Variants in SP3 observed in about 807,000 individuals in gnomAD.
The protein encoded by SP3 is Sp3 transcription factor.
SP3 carries 10 observed loss-of-function variants against 70.3 expected under a neutral mutation model. The ratio of observed to expected loss-of-function variants is 0.14; its 90% CI spans 0.09 to 0.24. The LOEUF (loss-of-function observed/expected upper bound fraction) is 0.24. Ranked by LOEUF, SP3 falls within the 10% of genes least tolerant of loss-of-function variation. The pLI is 1.00. For synonymous variants in SP3, 402 were observed against 333.5 expected (o/e 1.21, Z -2.24); for missense variants, 825 against 914.6 (o/e 0.90, Z 1.26).
At chr2:173,935,058 A>T (rs11891077) in intron 4 of SP3, among the ~76,000 whole-genome samples, 5,626 of 152,198 alleles carry the variant, frequency 0.037, 369 homozygotes, top group African/African-American at 0.13. Context: ...ACCAGCAATT[A>T]ATTCTTTCTT....
chr2:173,919,187 A>G (rs1689682244), intron 4 of SP3, among the ~76,000 whole-genome samples: 1 of 152,210 alleles, frequency 6.6e-6, no homozygotes, highest in Non-Finnish European at 1.5e-5. Context: ...TAATACATAA[A>G]GAGATGTTAC....
At chr2:173,929,862 A>G (rs1690023442) in intron 4 of SP3, among the ~76,000 whole-genome samples, 1 of 152,212 alleles carries the variant, frequency 6.6e-6, no homozygotes, top group Non-Finnish European at 1.5e-5. Flanking sequence ...GTTATACTTT[A>G]TTCAGACTTT....
At chr2:173,952,965 A>G (rs1203541428) in intron 4 of SP3, among the ~76,000 whole-genome samples, 1 of 152,246 alleles carries the variant, frequency 6.6e-6, no homozygotes, top group Non-Finnish European at 1.5e-5. Context: ...CTGAAATTAG[A>G]TAGTGATGAT....
intron 6 of SP3, among the ~76,000 whole-genome samples, chr2:173,912,831 T>G (rs1353402274): frequency 6.6e-6 from 1 of 152,188 alleles, no homozygotes; most frequent in Admixed American, 6.5e-5. Flanking sequence ...CATTCAATAA[T>G]GTCAACAAAA....
intron 4 of SP3, among the ~76,000 whole-genome samples, chr2:173,931,080 G>A (rs2105472162): frequency 6.6e-6 from 1 of 152,168 alleles, no homozygotes; most frequent in East Asian, 1.9e-4. Flanking sequence ...TATTAAGTGT[G>A]CAACAGCATT....
intron 4 of SP3, among the ~76,000 whole-genome samples, chr2:173,941,172 C>T (rs1325589952): frequency 6.6e-6 from 1 of 151,290 alleles, no homozygotes; most frequent in African/African-American, 2.4e-5. Flanking sequence ...CTCACTAAAT[C>T]CTCTTCACCT....
In SP3 at chr2:173,940,022, C is replaced by A. The variant is rs189167967; in HGVS notation, c.1639+14851G>T. On this transcript the variant is annotated intron_variant, in intron 4 of 6. Coordinates refer to ENST00000310015, the MANE Select transcript of SP3 (RefSeq NM_003111.5). Reference sequence around the variant, plus strand: ...CTGAGCAGACAGGACTATGGGCACACATTACTGTGACCAGCTAATTTTTTT... The same window carrying A: ...CTGAGCAGACAGGACTATGGGCACAAATTACTGTGACCAGCTAATTTTTTT... Among the ~76,000 whole-genome samples, 10 of 152,136 alleles carry A rather than the reference C, an allele frequency of 6.6e-5. No individual in the cohort carries two copies. In the East Asian group the frequency reaches 1.9e-3, roughly 29 times the overall value.
At position 173,904,345 on chromosome 2, in the gene SP3, G is replaced by A. The variant is rs1265193362; in HGVS notation, c.*5596C>T. On this transcript the variant is annotated 3_prime_UTR_variant, in exon 7 of 7. Coordinates refer to ENST00000310015, the MANE Select transcript of SP3 (RefSeq NM_003111.5). ...ATCAACTCTATGGTGTTTTACGAGA[G>A]AATATACTGTACCTCAGTTGTCTTA... 6.6e-6 allele frequency among the ~76,000 whole-genome samples: 1 copy of A among 152,128 alleles called. No individual in the cohort carries two copies. The highest frequency in any genetic ancestry group is 1.5e-5 in the Non-Finnish European group (1 of 68,020).
rs1691258114 is a variant in SP3 at position 173,965,273 on chromosome 2, A to G, written c.-102T>C. 13 of 1,363,366 alleles carry G rather than the reference A, an allele frequency of 9.5e-6. No individual in the cohort carries two copies. Among genetic ancestry groups the G allele is most frequent in the Non-Finnish European group, 1.3e-5 (13 of 982,588 alleles). The allele number at this position is 1,363,366 out of a possible 1,614,324, so 84.5% of individuals were successfully genotyped here. A position where few individuals can be genotyped will look rare whatever the true frequency, so the allele number is the denominator to read the frequency against. On this transcript the variant is annotated 5_prime_UTR_variant, in exon 1 of 7. Transcript: ENST00000310015. ...GAGGATGCGGGAAGCGGCGGCGGAC[A>G]CGGCCGGAGCGGTCCGGGGATTTTT...
intron 4 of SP3, among the ~76,000 whole-genome samples, chr2:173,944,038 T>C (rs1470717241): frequency 6.6e-6 from 1 of 152,198 alleles, no homozygotes; most frequent in East Asian, 1.9e-4. Flanking sequence ...GTAAAAGTCT[T>C]ACATCTTATG....
At chr2:173,958,153 A>G (rs951284828) in intron 3 of SP3, among the ~76,000 whole-genome samples, 1 of 152,100 alleles carries the variant, frequency 6.6e-6, no homozygotes, top group African/African-American at 2.4e-5. Flanking sequence ...ATTTACAGGT[A>G]TTGAACTTTT....
chr2:173,927,314 C>T (rs1029728157), intron 4 of SP3, among the ~76,000 whole-genome samples: 4 of 150,734 alleles, frequency 2.7e-5, no homozygotes, highest in Admixed American at 1.3e-4. Context: ...CTCACTCTGT[C>T]GCCCAGGGTG....
At chr2:173,945,216 CTTTAT>C (rs1559103760) in intron 4 of SP3, among the ~76,000 whole-genome samples, 3 of 152,222 alleles carry the variant, frequency 2.0e-5, no homozygotes, top group Non-Finnish European at 2.9e-5. Context: ...TTTAAAATTA[CTTTAT>C]TTTAAAGGTC....
At chr2:173,931,333 AG>A (rs1690059573) in intron 4 of SP3, among the ~76,000 whole-genome samples, 1 of 127,576 alleles carries the variant, frequency 7.8e-6, no homozygotes. Context: ...GTTCGAGACC[AG>A]CCTGGCATTT....
In SP3 at chr2:173,955,359, T is replaced by C; in HGVS notation, c.1153A>G (p.Asn385Asp). The C allele has an allele frequency of 1.2e-6, 2 of 1,614,030 alleles. No homozygotes were observed. Among genetic ancestry groups the C allele is most frequent in the Admixed American group, 3.3e-5 (2 of 59,966 alleles). Residue 385 changes from asparagine to aspartate, a missense_variant, in exon 4 of 7, where the codon AAT (asparagine) becomes GAT (aspartate). Asn to Asp is a conservative substitution (Grantham distance 23). Coordinates refer to ENST00000310015, the MANE Select transcript of SP3 (RefSeq NM_003111.5). The stretch of plus-strand genomic sequence containing the variant: ...GGCTGTGCTGTAGAAACCTGAATAT[T>C]CTGTGCCTGTGTCTCTTCAGAAACA... ...SPVSEETQAQ[N>D]IQVSTAQPVV...
At chr2:173,935,896 C>T (rs548823583) in intron 4 of SP3, among the ~76,000 whole-genome samples, 13 of 142,532 alleles carry the variant, frequency 9.1e-5, no homozygotes, top group African/African-American at 3.7e-4. Flanking sequence ...TAATCACCAA[C>T]GGATTCATCT....
chr2:173,939,764 C>CAAAAAAAAAAAA (rs3045251), intron 4 of SP3, among the ~76,000 whole-genome samples: 8,100 of 69,400 alleles, frequency 0.12, 1,198 homozygotes, highest in East Asian at 0.2. Flanking sequence ...GACTCCAACT[C>CAAAAAAAAAAAA]AAAAAAAAAA....
chr2:173,937,230 C>A (rs1306508538), intron 4 of SP3, among the ~76,000 whole-genome samples: 1 of 152,148 alleles, frequency 6.6e-6, no homozygotes. Context: ...ATGAAAGCAG[C>A]AAAGACATTT....
Position 173,964,569 on chromosome 2 carries a change from G to C in SP3, c.8-16C>G. ...TTTTCGGGAGCTGCAGGCACAGCGC[G>C]GGGGGGTGGGGGTGGGGAGGAAGGC... On this transcript the variant is annotated splice_polypyrimidine_tract_variant and intron_variant, in intron 1 of 6. Transcript: ENST00000310015. The C allele has an allele frequency of 1.5e-6, 1 of 674,554 alleles. No individual in the cohort carries two copies. Among genetic ancestry groups the C allele is most frequent in the Non-Finnish European group, 2.8e-6 (1 of 363,088 alleles). The allele number at this position is 674,554 out of a possible 1,614,324, so 41.8% of individuals were successfully genotyped here. A position where few individuals can be genotyped will look rare whatever the true frequency, so the allele number is the denominator to read the frequency against.
Sources: allele counts gnomAD v4.1 joint callset (sites outside exome capture counted in the v4.1 genomes callset), GRCh38; gene constraint gnomAD v4.1.1; transcripts MANE v1.5; gene names NCBI Gene and HGNC (gene_info 2026-07-23, HGNC 2026-07-21).